The following ZNF317 variants were observed in gnomAD, a reference collection of about 807,000 sequenced individuals.
ZNF317 encodes the protein zinc finger protein 317.
Under a neutral mutation model 23.4 loss-of-function variants are expected in ZNF317, and 17 were observed. That is an observed-to-expected ratio of 0.73 (90% CI 0.50 to 1.09). ZNF317 has a LOEUF of 1.09. Ranked by LOEUF, ZNF317 falls within the 50% of genes least tolerant of loss-of-function variation. The probability of loss-of-function intolerance (pLI) is 0.00; values close to 1 mark genes in which losing one functional copy is unlikely to be tolerated. For synonymous variants in ZNF317, 317 were observed against 314.9 expected (o/e 1.01, Z -0.07); for missense variants, 679 against 796.7 (o/e 0.85, Z 1.78).
rs997378922 is a variant in ZNF317, at chr19:9,162,210, A to C, written c.*777A>C. 3 of 152,106 alleles carry C rather than the reference A, an allele frequency of 2.0e-5. No homozygotes were observed. The highest frequency in any genetic ancestry group is 4.4e-5 in the Non-Finnish European group (3 of 68,028). The allele number at this position is 152,106 out of a possible 1,614,324, so 9.4% of individuals were successfully genotyped here. ...TGGGGGGAAGATACTCCTGACTTGTAATAAGAAGACATCAGAGATGCTGCT... is the reference window on the plus strand; with the variant it reads ...TGGGGGGAAGATACTCCTGACTTGTCATAAGAAGACATCAGAGATGCTGCT... On this transcript the variant is annotated 3_prime_UTR_variant, in exon 7 of 7. Coordinates refer to ENST00000247956, the MANE Select transcript of ZNF317 (RefSeq NM_020933.5).
At position 9,160,648 on chromosome 19, in the gene ZNF317, G is replaced by A. The variant is rs2050840550; in HGVS notation, c.1003G>A (p.Glu335Lys). The part of the protein sequence containing the change: ...KRTHTGERPY[E>K]CHDCGKAFQH... ...AACGCACACCGGAGAGAGGCCCTAC[G>A]AGTGTCACGACTGTGGGAAAGCTTT... The change falls in exon 7 of 7, where the codon GAG becomes AAG. Residue 335 changes from glutamate (E) to lysine (K), a missense_variant. Coordinates refer to ENST00000247956, the MANE Select transcript of ZNF317 (RefSeq NM_020933.5). This position sits in a 1 kb window ranked among gnomAD's most constrained non-coding sequence, Gnocchi z 6.8. 3 of 1,614,166 alleles carry A rather than the reference G, an allele frequency of 1.9e-6. No homozygotes were observed. Among genetic ancestry groups the A allele is most frequent in the South Asian group, 1.1e-5 (1 of 91,080 alleles).
chr19:9,155,641 G>A (rs965753241), intron 1 of ZNF317, among the ~76,000 whole-genome samples: 5 of 152,192 alleles, frequency 3.3e-5, no homozygotes, highest in Non-Finnish European at 7.3e-5. Context: ...AGAAGTCTAG[G>A]ACCAGAGTGT....
At chr19:9,149,293 G>C (rs1350626183) in intron 1 of ZNF317, among the ~76,000 whole-genome samples, 1 of 152,076 alleles carries the variant, frequency 6.6e-6, no homozygotes. Flanking sequence ...GGCCAACATG[G>C]TGAAACCCTG....
intron 3 of ZNF317, 191 bp downstream of exon 3, chr19:9,156,939 G>A: frequency 1.3e-6 from 1 of 746,354 alleles, no homozygotes; most frequent in Non-Finnish European, 2.1e-6. Flanking sequence ...TGTAGCATCT[G>A]TTTCCCTCAT....
rs777846112 is a variant in ZNF317, at chr19:9,160,284, G to A, written c.639G>A (p.Met213Ile). 6 of 1,614,072 alleles carry A rather than the reference G, an allele frequency of 3.7e-6. No individual in the cohort carries two copies. The African/African-American group carries it at 6.7e-5, about 18-fold the overall frequency. The change falls in exon 7 of 7, where the codon ATG (methionine) becomes ATA (isoleucine). Residue 213 changes from methionine (M) to isoleucine (I), a missense_variant. Transcript: ENST00000247956. The surrounding 1 kb of genome is among the most constrained non-coding windows in gnomAD (Gnocchi z 6.8). ...GCAGGCCGCACCTCACTCAGCACAT[G>A]AGCATGTACGACGGGAGAAAAATGC... ...FKGRPHLTQH[M>I]SMYDGRKMHE...
At chr19:9,142,289 C>T (rs372712128) in intron 1 of ZNF317, among the ~76,000 whole-genome samples, 17 of 151,848 alleles carry the variant, frequency 1.1e-4, no homozygotes, top group Non-Finnish European at 2.5e-4. Context: ...TTTATACAGA[C>T]GATAAATTGT....
At chr19:9,142,191 GA>G (rs1356663761) in intron 1 of ZNF317, among the ~76,000 whole-genome samples, 1 of 152,212 alleles carries the variant, frequency 6.6e-6, no homozygotes, top group African/African-American at 2.4e-5. Context: ...TTGGTGCTCA[GA>G]AAAGTCTAAC....
intron 1 of ZNF317, among the ~76,000 whole-genome samples, chr19:9,143,234 T>C (rs1473167426): frequency 6.6e-6 from 1 of 152,152 alleles, no homozygotes; most frequent in Non-Finnish European, 1.5e-5. Flanking sequence ...CACTTTTTTA[T>C]TTATAATAAT....
At chr19:9,145,749 C>T (rs993792683) in intron 1 of ZNF317, among the ~76,000 whole-genome samples, 2 of 152,188 alleles carry the variant, frequency 1.3e-5, no homozygotes, top group African/African-American at 2.4e-5. Flanking sequence ...TCTGCCCCCA[C>T]GTGGTTCTTA....
intron 1 of ZNF317, among the ~76,000 whole-genome samples, chr19:9,149,701 G>A (rs984856502): frequency 2.6e-5 from 4 of 152,116 alleles, no homozygotes; most frequent in African/African-American, 9.7e-5. Flanking sequence ...AGCGAGTTGT[G>A]GGTGAGGCGG....
At position 9,160,669 on chromosome 19, in the gene ZNF317, G is replaced by A. The variant is rs1489033708; in HGVS notation, c.1024G>A (p.Ala342Thr). Residue 342 changes from alanine to threonine, a missense_variant, in exon 7 of 7, where the codon GCT becomes ACT. Ala to Thr is a moderately conservative substitution (Grantham distance 58). Coordinates refer to ENST00000247956, the MANE Select transcript of ZNF317 (RefSeq NM_020933.5). This position sits in a 1 kb window ranked among gnomAD's most constrained non-coding sequence, Gnocchi z 6.8. Reference protein sequence around the residue: ...RPYECHDCGKAFQHPSHLKEH... With the variant: ...RPYECHDCGKTFQHPSHLKEH... ...CTACGAGTGTCACGACTGTGGGAAA[G>A]CTTTCCAGCACCCCTCCCACCTCAA... The A allele has an allele frequency of 1.9e-6, 3 of 1,614,168 alleles. No individual in the cohort carries two copies. The East Asian group carries it at 6.7e-5, about 36-fold the overall frequency.
chr19:9,161,629 G>C lies in ZNF317; in HGVS notation c.*196G>C. 1 of 716,644 alleles carries C rather than the reference G, an allele frequency of 1.4e-6. No individual in the cohort carries two copies. The highest frequency in any genetic ancestry group is 2.1e-5 in the South Asian group (1 of 46,976). 44.4% of individuals were successfully genotyped at this position (716,644 alleles called of 1,614,324 possible). On this transcript the variant is annotated 3_prime_UTR_variant, in exon 7 of 7. Coordinates refer to ENST00000247956, the MANE Select transcript of ZNF317 (RefSeq NM_020933.5). The surrounding 1 kb of genome is among the most constrained non-coding windows in gnomAD (Gnocchi z 4.0). ...AGGTTTGTGAGAACTCACGCCGGGGGTGAAAATGTACGTCTGTAGCATGGA... is the reference window on the plus strand; with the variant it reads ...AGGTTTGTGAGAACTCACGCCGGGGCTGAAAATGTACGTCTGTAGCATGGA...
Position 9,158,092 on chromosome 19 carries a change from CAA to C in ZNF317, c.385+19_385+20del. 3 of 1,547,480 alleles carry C rather than the reference CAA, an allele frequency of 1.9e-6. No individual in the cohort carries two copies. Among genetic ancestry groups the C allele is most frequent in the Non-Finnish European group, 2.6e-6 (3 of 1,145,446 alleles). On this transcript the variant is annotated intron_variant, in intron 5 of 6. Transcript: ENST00000247956. ...CTTGTGCAGGTGAGCGAGCCCCAGG[CAA>C]AGAGCGGTGCTGTGACTCTACCTCT...
chr19:9,149,880 G>T (rs565440475), intron 1 of ZNF317, among the ~76,000 whole-genome samples: 1 of 152,282 alleles, frequency 6.6e-6, no homozygotes, highest in East Asian at 1.9e-4. Context: ...GAATGTTCTA[G>T]AAGAGAAGCG....
intron 1 of ZNF317, among the ~76,000 whole-genome samples, chr19:9,143,623 G>A (rs953368464): frequency 1.7e-4 from 13 of 78,464 alleles, no homozygotes; most frequent in African/African-American, 1.0e-3. Flanking sequence ...GACAAACATG[G>A]CCCCATGAGT....
chr19:9,158,609 G>A (rs919603801), intron 5 of ZNF317, among the ~76,000 whole-genome samples: 4 of 152,000 alleles, frequency 2.6e-5, no homozygotes, highest in Non-Finnish European at 5.9e-5. Flanking sequence ...AGAGTGCTGG[G>A]ATTACAGGCG....
Position 9,160,067 on chromosome 19 carries a change from A to G in ZNF317, c.469-47A>G. ...TGTGGGGATGACGCTTAGGGTTGCA[A>G]TGAATATGAGAATTGCCTTTGTCAG... is the stretch of plus-strand genomic sequence containing the variant. On this transcript the variant is annotated intron_variant, in intron 6 of 6. Coordinates refer to ENST00000247956, the MANE Select transcript of ZNF317 (RefSeq NM_020933.5). The surrounding 1 kb of genome is among the most constrained non-coding windows in gnomAD (Gnocchi z 6.8). 1 of 1,608,138 alleles carries G rather than the reference A, an allele frequency of 6.2e-7. No individual in the cohort carries two copies. Among genetic ancestry groups the G allele is most frequent in the Non-Finnish European group, 8.5e-7 (1 of 1,175,938 alleles).
chr19:9,151,598 C>G (rs1436889036), intron 1 of ZNF317, among the ~76,000 whole-genome samples: 6 of 151,900 alleles, frequency 3.9e-5, no homozygotes, highest in African/African-American at 1.5e-4. Context: ...GTGTGGGCCA[C>G]CATACCTCAC....
Position 9,140,467 on chromosome 19 carries a change from C to T in ZNF317, c.-218C>T, listed in dbSNP as rs1384776482. 1 of 456,304 alleles carries T rather than the reference C, an allele frequency of 2.2e-6. No individual in the cohort carries two copies. The highest frequency in any genetic ancestry group is 7.0e-5 in the East Asian group (1 of 14,350). The allele number at this position is 456,304 out of a possible 1,614,324, so 28.3% of individuals were successfully genotyped here. A position where few individuals can be genotyped will look rare whatever the true frequency, so the allele number is the denominator to read the frequency against. On this transcript the variant is annotated 5_prime_UTR_variant, in exon 1 of 7. Transcript: ENST00000247956. ...ACATGGGCCAAGGAGGGGTCAGCGG[C>T]GAATTCTTTCGGCCTGTTGGGGACC... is the stretch of plus-strand genomic sequence containing the variant.
Sources: gnomAD v4.1 joint callset for allele counts (sites outside exome capture counted in the v4.1 genomes callset) on GRCh38, gnomAD v4.1.1 for gene constraint, Gnocchi (gnomAD v3.1) non-coding constraint, MANE v1.5 for transcripts, NCBI Gene and HGNC (gene_info 2026-07-23, HGNC 2026-07-21) for gene names.